Variants in RRAGD observed in about 807,000 individuals in gnomAD.
RRAGD encodes the protein ras-related GTP-binding protein D.
Under a neutral mutation model 35.5 loss-of-function variants are expected in RRAGD, and 12 were observed. The observed-to-expected ratio is 0.34, with a 90% CI of 0.22 to 0.55. The LOEUF (loss-of-function observed/expected upper bound fraction) is 0.55. RRAGD is among the 20% of genes least tolerant of loss of function. The pLI, the probability that RRAGD is intolerant of heterozygous loss-of-function variation, is 0.91. For missense variants in RRAGD, 324 were observed against 490.1 expected (o/e 0.66, Z 3.20); for synonymous variants, 155 against 178.9 (o/e 0.87, Z 1.07).
intron 1 of RRAGD, among the ~76,000 whole-genome samples, chr6:89,399,044 A>G (rs929492082): frequency 1.1e-4 from 16 of 152,248 alleles, no homozygotes; most frequent in Non-Finnish European, 1.5e-4. Context: ...GTACAAGTGC[A>G]AAAATATTCA....
chr6:89,406,084 C>G (rs1240346410), intron 1 of RRAGD, among the ~76,000 whole-genome samples: 1 of 152,086 alleles, frequency 6.6e-6, no homozygotes, highest in African/African-American at 2.4e-5. Flanking sequence ...AAAACTAAAT[C>G]TTTATGAAAT....
At chr6:89,373,594 G>T (rs1056731030) in intron 5 of RRAGD, among the ~76,000 whole-genome samples, 2 of 150,224 alleles carry the variant, frequency 1.3e-5, no homozygotes, top group Non-Finnish European at 3.0e-5. Context: ...CTCTAGCCTG[G>T]GTGACAGAGC....
chr6:89,372,224 C>T (rs1768864344), intron 6 of RRAGD, among the ~76,000 whole-genome samples: 1 of 152,202 alleles, frequency 6.6e-6, no homozygotes, highest in Non-Finnish European at 1.5e-5. Context: ...ATCGCAGATG[C>T]ACCACTAGAG....
At chr6:89,407,852 TCC>T (rs2127899681) in intron 1 of RRAGD, among the ~76,000 whole-genome samples, 2 of 151,710 alleles carry the variant, frequency 1.3e-5, no homozygotes, top group African/African-American at 4.8e-5. Flanking sequence ...TGTTTGTGCC[TCC>T]CGTTTCCATT....
chr6:89,373,475 C>T (rs1264610564), intron 5 of RRAGD, among the ~76,000 whole-genome samples: 1 of 151,986 alleles, frequency 6.6e-6, no homozygotes, highest in African/African-American at 2.4e-5. Flanking sequence ...TAGACAGGCA[C>T]CACGTGGTGG....
intron 1 of RRAGD, among the ~76,000 whole-genome samples, chr6:89,408,871 C>T (rs1340238928): frequency 6.6e-6 from 1 of 152,062 alleles, no homozygotes; most frequent in Non-Finnish European, 1.5e-5. Flanking sequence ...ATTTTTGGTG[C>T]AATTGTTTTT....
chr6:89,371,549 A>G (rs1448403102), intron 6 of RRAGD, among the ~76,000 whole-genome samples: 1 of 152,186 alleles, frequency 6.6e-6, no homozygotes, highest in Non-Finnish European at 1.5e-5. Flanking sequence ...TTAGCTCTAG[A>G]TGGTGAAATA....
At chr6:89,390,861 G>C (rs1008883606) in intron 1 of RRAGD, among the ~76,000 whole-genome samples, 3 of 152,046 alleles carry the variant, frequency 2.0e-5, no homozygotes, top group African/African-American at 7.2e-5. Context: ...TGGCGCCCCT[G>C]CACTCCAGCC....
intron 1 of RRAGD, among the ~76,000 whole-genome samples, chr6:89,396,038 A>G (rs554409761): frequency 2.6e-5 from 4 of 152,276 alleles, no homozygotes; most frequent in Non-Finnish European, 5.9e-5. Flanking sequence ...ATCTAAAACT[A>G]TGAAACTTCT....
Position 89,367,608 on chromosome 6 carries a change from T to C in RRAGD, c.*448A>G, listed in dbSNP as rs1293633160. 1 of 153,114 alleles carries C rather than the reference T, an allele frequency of 6.5e-6. No homozygotes were observed. The highest frequency in any genetic ancestry group is 6.5e-5 in the Admixed American group (1 of 15,320). 9.5% of individuals were successfully genotyped at this position (153,114 alleles called of 1,614,324 possible). ...AGATTTCCAAATTTACAAAAAGTCATTACCAATGCATCACTTTTTGATTAA... is the reference window on the plus strand; with the variant it reads ...AGATTTCCAAATTTACAAAAAGTCACTACCAATGCATCACTTTTTGATTAA... On this transcript the variant is annotated 3_prime_UTR_variant, in exon 7 of 7. Coordinates refer to ENST00000369415, the MANE Select transcript of RRAGD (RefSeq NM_021244.5).
chr6:89,372,623 G>A, intron 5 of RRAGD, 38 bp from the exon 6 acceptor site: 1 of 1,503,152 alleles, frequency 6.7e-7, no homozygotes, highest in South Asian at 1.4e-5. Flanking sequence ...TGACCATTGA[G>A]AAAGAACTAG....
rs1000964637 is a variant in RRAGD, at chr6:89,389,865, T to A, written c.149-2275A>T. ...TTCAAAATCTACAAAATGGACTTGATAATGAAAATAAACATCTCATAGGGC... is the reference window on the plus strand; with the variant it reads ...TTCAAAATCTACAAAATGGACTTGAAAATGAAAATAAACATCTCATAGGGC... On this transcript the variant is annotated intron_variant, in intron 1 of 6. Coordinates refer to ENST00000369415, the MANE Select transcript of RRAGD (RefSeq NM_021244.5). 2.0e-5 allele frequency among the ~76,000 whole-genome samples: 3 copies of A among 152,194 alleles called. No individual in the cohort carries two copies. The South Asian group carries it at 6.2e-4, about 31-fold the overall frequency.
chr6:89,377,655 A>G lies in RRAGD; in HGVS notation c.902+16T>C, dbSNP rs1768970541. 6.5e-7 allele frequency: 1 copy of G among 1,535,344 alleles called. No individual in the cohort carries two copies. Among genetic ancestry groups the G allele is most frequent in the African/African-American group, 1.4e-5 (1 of 71,316 alleles). On this transcript the variant is annotated intron_variant, in intron 5 of 6. Transcript: ENST00000369415. The stretch of plus-strand genomic sequence containing the variant: ...AAGGATGGCTTGATTGTGGCCTTTA[A>G]GAATGTTGTACTTACCCATAAATAC...
chr6:89,395,130 G>A (rs1769308492), intron 1 of RRAGD, among the ~76,000 whole-genome samples: 1 of 152,088 alleles, frequency 6.6e-6, no homozygotes, highest in African/African-American at 2.4e-5. Context: ...CTGGTGGTAA[G>A]CACCTGTAGT....
chr6:89,379,119 G>T, intron 4 of RRAGD, 105 bp downstream of exon 4: 1 of 567,636 alleles, frequency 1.8e-6, no homozygotes, highest in Non-Finnish European at 3.1e-6. Flanking sequence ...ATACTTAAAT[G>T]ACCTTGAAAT....
At chr6:89,400,391 G>A (rs1003270590) in intron 1 of RRAGD, among the ~76,000 whole-genome samples, 1 of 151,978 alleles carries the variant, frequency 6.6e-6, no homozygotes, top group Admixed American at 6.6e-5. Flanking sequence ...TTTTACTGTG[G>A]GCCAGGGTAA....
chr6:89,412,257 GGAGA>G lies in RRAGD; in HGVS notation c.-268_-265del, dbSNP rs148684631. The G allele has an allele frequency of 1.8e-5, 4 of 225,558 alleles. No homozygotes were observed. The highest frequency in any genetic ancestry group is 1.8e-4 in the East Asian group (2 of 11,128). The allele number at this position is 225,558 out of a possible 1,614,324, so 14.0% of individuals were successfully genotyped here. On this transcript the variant is annotated 5_prime_UTR_variant, in exon 1 of 7. Coordinates refer to ENST00000369415, the MANE Select transcript of RRAGD (RefSeq NM_021244.5). The surrounding 1 kb of genome is among the most constrained non-coding windows in gnomAD (Gnocchi z 4.2). ...AGCGCGGCAGTTCCTCCCGGAGGAG[GGAGA>G]GAGAGAGAGACTGCGTGACCCGAGT...
intron 1 of RRAGD, among the ~76,000 whole-genome samples, chr6:89,393,161 TA>T (rs1476791342): frequency 6.6e-6 from 1 of 152,150 alleles, no homozygotes; most frequent in African/African-American, 2.4e-5. Flanking sequence ...TTGTGCATAA[TA>T]AACAAATAGG....
chr6:89,410,842 T>A (rs907011893), intron 1 of RRAGD, among the ~76,000 whole-genome samples: 1 of 152,232 alleles, frequency 6.6e-6, no homozygotes, highest in African/African-American at 2.4e-5. Flanking sequence ...GGTACTTGTA[T>A]CTCTCACACA....
Sources: gnomAD v4.1 joint callset for allele counts (sites outside exome capture counted in the v4.1 genomes callset) on GRCh38, gnomAD v4.1.1 for gene constraint, Gnocchi (gnomAD v3.1) non-coding constraint, MANE v1.5 for transcripts, NCBI Gene and HGNC (gene_info 2026-07-23, HGNC 2026-07-21) for gene names.